Variants in PKHD1 observed in about 807,000 individuals in gnomAD.
PKHD1 encodes PKHD1 ciliary IPT domain containing fibrocystin/polyductin.
A neutral mutation model predicts 412.0 loss-of-function variants in PKHD1; 291 were observed. The observed-to-expected ratio is 0.71, with a 90% CI of 0.64 to 0.78. The LOEUF is 0.78. PKHD1 is among the 30% of genes least tolerant of loss of function. The pLI is 0.00. For missense variants in PKHD1, 4,825 were observed against 4,950.7 expected (o/e 0.97, Z 0.76); for synonymous variants, 1,777 against 1,821.5 (o/e 0.98, Z 0.62).
Position 51,891,506 on chromosome 6 carries a change from C to T in PKHD1, c.6997-4261G>A, listed in dbSNP as rs369906024. Among the ~76,000 whole-genome samples the T allele has an allele frequency of 9.2e-5, 14 of 152,024 alleles. No homozygotes were observed. In the East Asian group the frequency reaches 1.4e-3, roughly 15 times the overall value. ...GTTGGTCAAGCTGGTCTCAAACTCCCGACCTCAGGTGATCCGCCCACCTTG... is the reference window on the plus strand; with the variant it reads ...GTTGGTCAAGCTGGTCTCAAACTCCTGACCTCAGGTGATCCGCCCACCTTG... On this transcript the variant is annotated intron_variant, in intron 43 of 66. Transcript: ENST00000371117.
At chr6:51,784,661 A>G (rs953409830) in intron 53 of PKHD1, among the ~76,000 whole-genome samples, 2 of 152,190 alleles carry the variant, frequency 1.3e-5, no homozygotes, top group Non-Finnish European at 2.9e-5. Flanking sequence ...GCAACACTGT[A>G]TATCTCAAAA....
intron 50 of PKHD1, among the ~76,000 whole-genome samples, chr6:51,839,747 G>A (rs1769844923): frequency 6.6e-6 from 1 of 151,994 alleles, no homozygotes; most frequent in Non-Finnish European, 1.5e-5. Context: ...GTAGGTTATA[G>A]ACTCCTTCCC....
Position 51,753,295 on chromosome 6 carries a change from C to G in PKHD1, c.8856G>C (p.Leu2952=). ...GCTGAATTTGTATATTTCGGGTCAA[C>G]AGTCCAACCTCAGCAGCCAAACGAA... ...RHIRLAAEVG[L]LTRNIQIQPD... Residue 2952 remains leucine, a synonymous_variant, in exon 57 of 67, where the codon CTG becomes CTC. Transcript: ENST00000371117. 1 of 1,613,668 alleles carries G rather than the reference C, an allele frequency of 6.2e-7. No individual in the cohort carries two copies. Among genetic ancestry groups the G allele is most frequent in the Non-Finnish European group, 8.5e-7 (1 of 1,179,658 alleles).
intron 49 of PKHD1, among the ~76,000 whole-genome samples, chr6:51,854,550 G>A (rs1398966477): frequency 2.6e-5 from 4 of 152,108 alleles, no homozygotes; most frequent in Non-Finnish European, 4.4e-5. Context: ...GCTGGTCCAC[G>A]GAGACTGCAG....
At chr6:51,669,265 A>T (rs1299239463) in intron 60 of PKHD1, among the ~76,000 whole-genome samples, 3 of 151,994 alleles carry the variant, frequency 2.0e-5, no homozygotes, top group Non-Finnish European at 4.4e-5. Flanking sequence ...TCTTCCTGGT[A>T]TAGTCTTGGG....
At chr6:52,005,383 C>G (rs1316481112) in intron 35 of PKHD1, among the ~76,000 whole-genome samples, 1 of 152,220 alleles carries the variant, frequency 6.6e-6, no homozygotes, top group Non-Finnish European at 1.5e-5. Flanking sequence ...ACAATCCAAT[C>G]CTAGCCCACC....
At chr6:51,897,520 A>T (rs1390422035) in intron 43 of PKHD1, among the ~76,000 whole-genome samples, 1 of 147,746 alleles carries the variant, frequency 6.8e-6, no homozygotes, top group Non-Finnish European at 1.5e-5. Flanking sequence ...GAAGCACTAA[A>T]CATGGAATGG....
At chr6:52,046,808 C>T (rs1295603828) in intron 23 of PKHD1, among the ~76,000 whole-genome samples, 1 of 152,190 alleles carries the variant, frequency 6.6e-6, no homozygotes, top group African/African-American at 2.4e-5. Context: ...TTAGCTGCTC[C>T]CAGCAGCCCT....
At chr6:52,068,050 G>A (rs777753322) in intron 11 of PKHD1, among the ~76,000 whole-genome samples, 1 of 152,054 alleles carries the variant, frequency 6.6e-6, no homozygotes, top group Non-Finnish European at 1.5e-5. Context: ...AGAAATTGGT[G>A]ATTGAACAGA....
chr6:51,641,477 C>G (rs1021654825), intron 63 of PKHD1, among the ~76,000 whole-genome samples: 1 of 152,204 alleles, frequency 6.6e-6, no homozygotes, highest in Non-Finnish European at 1.5e-5. Context: ...TTGTGGAAGA[C>G]AGTGTGGTGA....
At chr6:51,925,433 T>C (rs1239143125) in intron 37 of PKHD1, among the ~76,000 whole-genome samples, 1 of 133,710 alleles carries the variant, frequency 7.5e-6, no homozygotes, top group Non-Finnish European at 1.6e-5. Context: ...ATGTAAATTG[T>C]TCTTCGTGTG....
intron 49 of PKHD1, among the ~76,000 whole-genome samples, chr6:51,848,509 G>A (rs1771616159): frequency 6.6e-6 from 1 of 152,268 alleles, no homozygotes; most frequent in East Asian, 1.9e-4. Context: ...ACTGAGGCAG[G>A]CAGAGGTTCA....
chr6:51,889,458 C>T (rs1724174797), intron 43 of PKHD1, among the ~76,000 whole-genome samples: 2 of 152,128 alleles, frequency 1.3e-5, no homozygotes, highest in Non-Finnish European at 2.9e-5. Flanking sequence ...CAAATAAAAA[C>T]ACAGAATGCC....
chr6:51,684,419 A>T (rs867051681), intron 60 of PKHD1, among the ~76,000 whole-genome samples: 38 of 152,272 alleles, frequency 2.5e-4, no homozygotes, highest in African/African-American at 8.7e-4. Context: ...AAGAAAATTT[A>T]AAAAGTAAGT....
chr6:51,823,253 T>C (rs1000028988), intron 52 of PKHD1, among the ~76,000 whole-genome samples: 5 of 152,144 alleles, frequency 3.3e-5, no homozygotes, highest in African/African-American at 4.8e-5. Flanking sequence ...TAAAAGTAGT[T>C]ATTCTCTAGA....
chr6:51,956,908 T>G (rs1006855600), intron 36 of PKHD1, among the ~76,000 whole-genome samples: 4 of 152,032 alleles, frequency 2.6e-5, no homozygotes, highest in East Asian at 1.9e-4. Context: ...TAAATAATAG[T>G]AAGGACCAGT....
At chr6:51,633,611 G>T (rs1370755991) in intron 64 of PKHD1, among the ~76,000 whole-genome samples, 3 of 152,116 alleles carry the variant, frequency 2.0e-5, no homozygotes, top group Non-Finnish European at 4.4e-5. Context: ...AGCATAAAAG[G>T]CATTATGCTG....
rs1423064468 is a variant in PKHD1, at chr6:51,732,439, C to T, written c.10156+11946G>A. ...ATAAACCACAACTCCTAAGATTCAACAATAACAAAAAAACCCAAACAGCCC... is the reference window on the plus strand; with the variant it reads ...ATAAACCACAACTCCTAAGATTCAATAATAACAAAAAAACCCAAACAGCCC... On this transcript the variant is annotated intron_variant, in intron 60 of 66. Coordinates refer to ENST00000371117, the MANE Select transcript of PKHD1 (RefSeq NM_138694.4). Among the ~76,000 whole-genome samples, 3 of 152,026 alleles carry T rather than the reference C, an allele frequency of 2.0e-5. No individual in the cohort carries two copies. The East Asian group carries it at 5.8e-4, about 29-fold the overall frequency.
At chr6:51,946,299 C>T (rs1459539166) in intron 36 of PKHD1, among the ~76,000 whole-genome samples, 3 of 152,100 alleles carry the variant, frequency 2.0e-5, no homozygotes, top group South Asian at 2.1e-4. Flanking sequence ...ATCCCCACCC[C>T]GCTTTATTAG....
Sources: allele counts gnomAD v4.1 joint callset (sites outside exome capture counted in the v4.1 genomes callset), GRCh38; gene constraint gnomAD v4.1.1; transcripts MANE v1.5; gene names NCBI Gene and HGNC (gene_info 2026-07-23, HGNC 2026-07-21).